Variants in LUC7L2 observed in about 807,000 individuals in gnomAD.
LUC7L2 encodes putative RNA-binding protein Luc7-like 2.
In LUC7L2, 25 loss-of-function variants were observed where a neutral mutation model predicts 52.8. The observed-to-expected ratio is 0.47, with a 90% CI of 0.34 to 0.66. The LOEUF (loss-of-function observed/expected upper bound fraction) is 0.66. Among genes scored for constraint, LUC7L2 ranks in the 30% least tolerant of loss-of-function variants. The pLI, the probability that LUC7L2 is intolerant of heterozygous loss-of-function variation, is 0.01. For missense variants in LUC7L2, 328 were observed against 497.8 expected, an observed-to-expected ratio of 0.66 and a Z score of 3.25; for synonymous variants, 144 against 160.9, an observed-to-expected ratio of 0.89 and a Z score of 0.80.
At position 139,365,099 on chromosome 7, in the gene LUC7L2, T is replaced by A. The variant is rs183664154; in HGVS notation, c.61+4777T>A. 1.4e-4 allele frequency among the ~76,000 whole-genome samples: 21 copies of A among 152,300 alleles called. No individual in the cohort carries two copies. The South Asian group carries it at 2.3e-3, about 17-fold the overall frequency. Reference sequence around the variant, plus strand: ...AGTTAACTATTTAACTTTATCAGAGTTTCAGGCATATCCAAAACACTGAAA... The same window carrying A: ...AGTTAACTATTTAACTTTATCAGAGATTCAGGCATATCCAAAACACTGAAA... On this transcript the variant is annotated intron_variant, in intron 1 of 9. Transcript: ENST00000354926.
At chr7:139,394,218 C>T (rs762550422) in intron 2 of LUC7L2, among the ~76,000 whole-genome samples, 64 of 152,180 alleles carry the variant, frequency 4.2e-4, no homozygotes, top group Non-Finnish European at 8.7e-4. Context: ...GTTAATAAGC[C>T]GCCCTGTGCC....
chr7:139,397,061 A>G (rs963683802), intron 2 of LUC7L2, among the ~76,000 whole-genome samples: 18 of 152,222 alleles, frequency 1.2e-4, no homozygotes, highest in Admixed American at 2.0e-4. Flanking sequence ...CAAGTTAAAT[A>G]GGCATACTCA....
intron 2 of LUC7L2, among the ~76,000 whole-genome samples, chr7:139,379,997 G>T (rs1016317627): frequency 1.5e-4 from 23 of 151,156 alleles, no homozygotes; most frequent in African/African-American, 4.4e-4. Context: ...AACCAACATG[G>T]TGAAACCCCA....
intron 1 of LUC7L2, chr7:139,341,123 C>T (rs1167808353): frequency 1.5e-5 from 6 of 403,044 alleles, no homozygotes; most frequent in Non-Finnish European, 2.1e-5. Context: ...AGAAAAGCCC[C>T]TGTTTCCCCA....
At position 139,387,665 on chromosome 7, in the gene LUC7L2, C is replaced by T. The variant is rs1296993612; in HGVS notation, c.157-10934C>T. Among the ~76,000 whole-genome samples the T allele has an allele frequency of 2.0e-5, 3 of 152,190 alleles. 1 individual carries two copies. Among genetic ancestry groups the T allele is most frequent in the African/African-American group, 7.2e-5 (3 of 41,450 alleles). On this transcript the variant is annotated intron_variant, in intron 2 of 9. Transcript: ENST00000354926. ...TTCCTACGCAAAACTTGTGGTGGTT[C>T]TGTATTGTTTATACCTGTACTGAAA...
At chr7:139,386,490 C>T (rs191287565) in intron 2 of LUC7L2, among the ~76,000 whole-genome samples, 2,552 of 148,252 alleles carry the variant, frequency 0.017, 23 homozygotes, top group Middle Eastern at 0.021. Flanking sequence ...CTGCAAGCTC[C>T]GCCTCCCGGG....
chr7:139,375,450 C>T, intron 1 of LUC7L2: 1 of 985,408 alleles, frequency 1.0e-6, no homozygotes, highest in Non-Finnish European at 1.2e-6. Context: ...GTAAGTCCTT[C>T]TTCCAGGTTT....
At chr7:139,386,498 G>A (rs1375078163) in intron 2 of LUC7L2, among the ~76,000 whole-genome samples, 3 of 145,654 alleles carry the variant, frequency 2.1e-5, no homozygotes, top group South Asian at 2.1e-4. Flanking sequence ...TCCGCCTCCC[G>A]GGTTCACACC....
intron 1 of LUC7L2, among the ~76,000 whole-genome samples, chr7:139,350,246 T>C (rs552590647): frequency 0.012 from 1,847 of 152,122 alleles, 37 homozygotes; most frequent in African/African-American, 0.042. Context: ...CTCAGCCTCC[T>C]GAGTAGCTGG....
intron 1 of LUC7L2, among the ~76,000 whole-genome samples, chr7:139,351,431 A>C (rs1799454772): frequency 6.6e-6 from 1 of 152,168 alleles, no homozygotes; most frequent in Non-Finnish European, 1.5e-5. Context: ...TAAGCCCTTC[A>C]ATTTTTATTG....
chr7:139,341,255 T>C, intron 1 of LUC7L2: 1 of 1,441,706 alleles, frequency 6.9e-7, no homozygotes, highest in Non-Finnish European at 9.2e-7. Context: ...AGTGAGCGGT[T>C]CCACTGCTCG....
At chr7:139,360,660 C>G (rs555684143) in intron 1 of LUC7L2, among the ~76,000 whole-genome samples, 1 of 152,164 alleles carries the variant, frequency 6.6e-6, no homozygotes, top group Non-Finnish European at 1.5e-5. Context: ...GGTTAGGTAC[C>G]TGCGGAAAGC....
chr7:139,412,040 A>T lies in LUC7L2; in HGVS notation c.780-511A>T, dbSNP rs190577650. 1.5e-3 allele frequency among the ~76,000 whole-genome samples: 221 copies of T among 152,178 alleles called. 1 individual carries two copies. Among genetic ancestry groups the T allele is most frequent in the African/African-American group, 5.0e-3 (208 of 41,516 alleles). On this transcript the variant is annotated intron_variant, in intron 7 of 9. Transcript: ENST00000354926. Reference sequence around the variant, plus strand: ...ATTTAAAGGAGATGCTTATTAGGGCATTTCAGATTTTGGTTTCTGGATTTA... The same window carrying T: ...ATTTAAAGGAGATGCTTATTAGGGCTTTTCAGATTTTGGTTTCTGGATTTA...
rs1799788352 is a variant in LUC7L2, at chr7:139,360,164, C to T, written c.-98C>T. ...CTCGAGGCGGCGGCGGCCACCGAGACAGCAGCGCACCTTCCCCCATCCCTT... is the reference window on the plus strand; with the variant it reads ...CTCGAGGCGGCGGCGGCCACCGAGATAGCAGCGCACCTTCCCCCATCCCTT... On this transcript the variant is annotated 5_prime_UTR_variant, in exon 1 of 10. Coordinates refer to ENST00000354926, the MANE Select transcript of LUC7L2 (RefSeq NM_016019.5). 2.2e-6 allele frequency: 2 copies of T among 918,862 alleles called. No homozygotes were observed. Among genetic ancestry groups the T allele is most frequent in the African/African-American group, 1.7e-5 (1 of 58,350 alleles). The allele number at this position is 918,862 out of a possible 1,614,324, so 56.9% of individuals were successfully genotyped here.
Position 139,422,267 on chromosome 7 carries a change from G to T in LUC7L2, c.1106G>T (p.Arg369Leu). 1.2e-6 allele frequency: 2 copies of T among 1,614,184 alleles called. No individual in the cohort carries two copies. The highest frequency in any genetic ancestry group is 1.7e-6 in the Non-Finnish European group (2 of 1,180,034). ...GACAGAGATCGGAAAGATAAGAAGC[G>T]GTCCTATGAGAGTGCTAATGGCAGA... is the stretch of plus-strand genomic sequence containing the variant. The part of the protein sequence containing the change: ...PRDRDRKDKK[R>L]SYESANGRSE... The change falls in exon 10 of 10, where the codon CGG becomes CTG. Residue 369 changes from arginine (R) to leucine (L), a missense_variant. Physicochemically the swap from Arg to Leu is moderately radical, Grantham distance 102. This residue lies in a region of LUC7L2 where 195 missense variants were observed against 223.3 expected (regional missense o/e 0.87). Coordinates refer to ENST00000354926, the MANE Select transcript of LUC7L2 (RefSeq NM_016019.5).
chr7:139,341,272 G>A (rs1372512215), intron 1 of LUC7L2: 2 of 1,483,450 alleles, frequency 1.3e-6, no homozygotes, highest in African/African-American at 2.8e-5. Flanking sequence ...CTCGTCAGTC[G>A]ATAGGGGGAG....
At chr7:139,387,661 G>T (rs901467136) in intron 2 of LUC7L2, among the ~76,000 whole-genome samples, 1 of 152,144 alleles carries the variant, frequency 6.6e-6, no homozygotes, top group African/African-American at 2.4e-5. Context: ...AACTTGTGGT[G>T]GTTCTGTATT....
chr7:139,417,414 C>G, intron 8 of LUC7L2, 124 bp from the exon 9 acceptor site: 7 of 1,203,938 alleles, frequency 5.8e-6, no homozygotes, highest in South Asian at 1.7e-5. Context: ...GTAGATTTAG[C>G]TGACTTGGAA....
rs550649743 is a variant in LUC7L2 at position 139,365,556 on chromosome 7, A to G, written c.61+5234A>G. On this transcript the variant is annotated intron_variant, in intron 1 of 9. Coordinates refer to ENST00000354926, the MANE Select transcript of LUC7L2 (RefSeq NM_016019.5). ...CTCTTCAGTAACAGGTGGTTCATAC[A>G]AAGCATTGAAGCTTAAAGTTGCTGT... Among the ~76,000 whole-genome samples the G allele has an allele frequency of 1.8e-3, 267 of 152,266 alleles. 2 individuals carry two copies. The highest frequency in any genetic ancestry group is 5.9e-3 in the African/African-American group (245 of 41,562).
Sources: gnomAD v4.1 joint callset for allele counts (sites outside exome capture counted in the v4.1 genomes callset) on GRCh38, gnomAD v4.1.1 for gene constraint, gnomAD v4.1.1 regional missense constraint, MANE v1.5 for transcripts, NCBI Gene and HGNC (gene_info 2026-07-23, HGNC 2026-07-21) for gene names.